The following CA10 variants were observed in gnomAD, a reference collection of about 807,000 sequenced individuals.
The protein encoded by CA10 is carbonic anhydrase-related protein 10.
In CA10, 14 loss-of-function variants were observed where a neutral mutation model predicts 44.2. The ratio of observed to expected loss-of-function variants is 0.32; its 90% CI spans 0.21 to 0.50. The LOEUF (loss-of-function observed/expected upper bound fraction) is 0.50. CA10 is among the 20% of genes least tolerant of loss of function. The pLI, the probability that CA10 is intolerant of heterozygous loss-of-function variation, is 0.99. For missense variants in CA10, 350 were observed against 409.7 expected (o/e 0.85, Z 1.26); for synonymous variants, 159 against 141.6 (o/e 1.12, Z -0.87).
chr17:52,087,675 T>G (rs1988153776), intron 1 of CA10, among the ~76,000 whole-genome samples: 1 of 152,234 alleles, frequency 6.6e-6, no homozygotes, highest in Non-Finnish European at 1.5e-5. Flanking sequence ...TATAATAAGT[T>G]GTAATTATCT....
Position 51,692,962 on chromosome 17 carries a change from A to T in CA10, c.466-39226T>A, listed in dbSNP as rs75148423. ...TCTTGGCTGGTGTTGGCCGGTTTCA[A>T]CAGGTCTTAGTCAGTTGGTTTCAGC... On this transcript the variant is annotated intron_variant, in intron 4 of 8. Coordinates refer to ENST00000451037, the MANE Select transcript of CA10 (RefSeq NM_020178.5). 6.3e-3 allele frequency among the ~76,000 whole-genome samples: 965 copies of T among 152,284 alleles called. 7 individuals are homozygous for T. The highest frequency in any genetic ancestry group is 0.015 in the East Asian group (80 of 5,178).
At chr17:51,807,870 T>C (rs955424172) in intron 3 of CA10, among the ~76,000 whole-genome samples, 1 of 152,216 alleles carries the variant, frequency 6.6e-6, no homozygotes, top group African/African-American at 2.4e-5. Context: ...GGAACATTAG[T>C]GGAACCTTGC....
intron 1 of CA10, among the ~76,000 whole-genome samples, chr17:52,154,450 A>G (rs1178642425): frequency 6.6e-6 from 1 of 152,208 alleles, no homozygotes; most frequent in Non-Finnish European, 1.5e-5. Flanking sequence ...TTACATAAGG[A>G]GGAAGTAGGA....
intron 2 of CA10, among the ~76,000 whole-genome samples, chr17:51,992,793 A>G (rs1985088921): frequency 6.6e-6 from 1 of 152,132 alleles, no homozygotes; most frequent in African/African-American, 2.4e-5. Flanking sequence ...ACTAAAAGAT[A>G]ATGGATAGAT....
chr17:51,993,725 C>A (rs1285214112), intron 2 of CA10, among the ~76,000 whole-genome samples: 1 of 152,052 alleles, frequency 6.6e-6, no homozygotes, highest in African/African-American at 2.4e-5. Context: ...AATTTATACA[C>A]CTCCTCTTCT....
chr17:52,159,117 G>T (rs1279962514), upstream of CA10, among the ~76,000 whole-genome samples: 5 of 152,196 alleles, frequency 3.3e-5, no homozygotes, highest in Non-Finnish European at 5.9e-5. Flanking sequence ...GGAGACCCAG[G>T]CAGGACTCAT....
rs374631100 is a variant in CA10 at position 51,727,822 on chromosome 17, C to T, written c.465+19811G>A. Among the ~76,000 whole-genome samples the T allele has an allele frequency of 5.9e-5, 9 of 152,014 alleles. No individual in the cohort carries two copies. In the East Asian group the frequency reaches 1.5e-3, roughly 26 times the overall value. ...GCAGTGAAAAAAGACAGACGATGCCCCTGTTATTGCAGAACTTTCTTTTTT... is the reference window on the plus strand; with the variant it reads ...GCAGTGAAAAAAGACAGACGATGCCTCTGTTATTGCAGAACTTTCTTTTTT... On this transcript the variant is annotated intron_variant, in intron 4 of 8. Coordinates refer to ENST00000451037, the MANE Select transcript of CA10 (RefSeq NM_020178.5).
intron 3 of CA10, among the ~76,000 whole-genome samples, chr17:51,913,667 C>T (rs949642218): frequency 6.6e-6 from 1 of 152,088 alleles, no homozygotes; most frequent in South Asian, 2.1e-4. Context: ...AATGACCGCA[C>T]CTCCCCAAGC....
At chr17:51,692,275 G>T (rs1915224245) in intron 4 of CA10, among the ~76,000 whole-genome samples, 2 of 130,500 alleles carry the variant, frequency 1.5e-5, no homozygotes, top group South Asian at 2.6e-4. Context: ...AAATGGGATT[G>T]ATTTCTTGAT....
chr17:52,119,280 C>A (rs1024944383), intron 1 of CA10, among the ~76,000 whole-genome samples: 1 of 131,134 alleles, frequency 7.6e-6, no homozygotes, highest in Non-Finnish European at 1.7e-5. Context: ...TGTGTCAGTG[C>A]AATAAGAATC....
intron 2 of CA10, among the ~76,000 whole-genome samples, chr17:51,951,826 G>A (rs980958953): frequency 2.6e-5 from 4 of 152,130 alleles, no homozygotes; most frequent in African/African-American, 9.7e-5. Context: ...GGTTGCCTTG[G>A]GAGGGAGAAC....
At chr17:51,972,426 G>A (rs1984313095) in intron 2 of CA10, among the ~76,000 whole-genome samples, 2 of 152,056 alleles carry the variant, frequency 1.3e-5, no homozygotes, top group South Asian at 2.1e-4. Context: ...GAACATCTAA[G>A]TTATCTGAAA....
intron 2 of CA10, among the ~76,000 whole-genome samples, chr17:52,049,879 T>C (rs1490181271): frequency 6.6e-6 from 1 of 152,130 alleles, no homozygotes; most frequent in Non-Finnish European, 1.5e-5. Context: ...TATGTTTTAC[T>C]GGCCCTTTTC....
intron 2 of CA10, among the ~76,000 whole-genome samples, chr17:52,035,858 C>G (rs536238519): frequency 6.6e-6 from 1 of 152,210 alleles, no homozygotes; most frequent in African/African-American, 2.4e-5. Flanking sequence ...AGGGAAGTAT[C>G]CTGCTTCACT....
At chr17:51,692,269 G>T in intron 4 of CA10, among the ~76,000 whole-genome samples, 2 of 138,660 alleles carry the variant, frequency 1.4e-5, no homozygotes, top group South Asian at 2.3e-4. Context: ...TATTGTAAAT[G>T]GGATTGATTT....
chr17:51,860,656 C>T lies in CA10; in HGVS notation c.279+70334G>A, dbSNP rs576497656. ...TTACCTATATAACAGAAACAGACTT[C>T]TAATGATATATTTATATATGCCAGT... On this transcript the variant is annotated intron_variant, in intron 3 of 8. Coordinates refer to ENST00000451037, the MANE Select transcript of CA10 (RefSeq NM_020178.5). Among the ~76,000 whole-genome samples, 435 of 152,214 alleles carry T rather than the reference C, an allele frequency of 2.9e-3. 1 individual carries two copies. Among genetic ancestry groups the T allele is most frequent in the Non-Finnish European group, 5.1e-3 (344 of 68,004 alleles).
chr17:51,860,312 T>C (rs1979245977), intron 3 of CA10, among the ~76,000 whole-genome samples: 1 of 152,208 alleles, frequency 6.6e-6, no homozygotes, highest in Non-Finnish European at 1.5e-5. Context: ...CACAATGAGA[T>C]CTGCAATTCT....
At chr17:51,967,772 C>G (rs1984134712) in intron 2 of CA10, among the ~76,000 whole-genome samples, 1 of 151,618 alleles carries the variant, frequency 6.6e-6, no homozygotes, top group Non-Finnish European at 1.5e-5. Flanking sequence ...TTCTGAACAT[C>G]AGCATCACGA....
intron 3 of CA10, among the ~76,000 whole-genome samples, chr17:51,854,915 C>T (rs184984037): frequency 1.3e-5 from 2 of 152,220 alleles, no homozygotes; most frequent in East Asian, 3.9e-4. Context: ...CTCTTTTTAC[C>T]CCAATTTCAC....
Sources: gnomAD v4.1 joint callset for allele counts (sites outside exome capture counted in the v4.1 genomes callset) on GRCh38, gnomAD v4.1.1 for gene constraint, MANE v1.5 for transcripts, NCBI Gene and HGNC (gene_info 2026-07-23, HGNC 2026-07-21) for gene names.